Variants in HOPX observed in about 807,000 individuals in gnomAD.
The protein encoded by HOPX is homeodomain-only protein.
Under a neutral mutation model 11.8 loss-of-function variants are expected in HOPX, and 5 were observed. That is an observed-to-expected ratio of 0.43 (90% confidence interval 0.22 to 0.89). The LOEUF (loss-of-function observed/expected upper bound fraction) is 0.89. HOPX is among the 40% of genes least tolerant of loss of function. The probability of loss-of-function intolerance (pLI) is 0.28; values close to 1 mark genes in which losing one functional copy is unlikely to be tolerated. For missense variants in HOPX, 119 were observed against 120.0 expected (o/e 0.99, Z 0.04); for synonymous variants, 49 against 49.7 (o/e 0.99, Z 0.06).
intron 2 of HOPX, chr4:56,656,421 G>A (rs542058940): frequency 1.0e-6 from 1 of 990,912 alleles, no homozygotes; most frequent in East Asian, 1.1e-4. Flanking sequence ...TCCCGAAAGG[G>A]GGACCTCCCC....
chr4:56,677,694 C>T lies in HOPX; in HGVS notation c.-84+3561G>A, dbSNP rs1038687609. On this transcript the variant is annotated intron_variant, in intron 1 of 3. Transcript: ENST00000420433. Reference sequence around the variant, plus strand: ...TCCCACAGACACCTCTGAACTGACACCTGCACCCATACAGGTGCTGAGGGA... The same window carrying T: ...TCCCACAGACACCTCTGAACTGACATCTGCACCCATACAGGTGCTGAGGGA... Among the ~76,000 whole-genome samples the T allele has an allele frequency of 4.2e-4, 64 of 151,588 alleles. 2 individuals are homozygous for T. Among genetic ancestry groups the T allele is most frequent in the African/African-American group, 1.5e-3 (63 of 40,900 alleles).
At chr4:56,664,482 C>A (rs927113467) in intron 1 of HOPX, 4 of 152,006 alleles carry the variant, frequency 2.6e-5, no homozygotes, top group Non-Finnish European at 5.9e-5. Context: ...CGTAAAGTAT[C>A]CCCTGGATGG....
intron 1 of HOPX, among the ~76,000 whole-genome samples, chr4:56,658,966 C>T (rs1560367105): frequency 6.6e-6 from 1 of 152,144 alleles, no homozygotes; most frequent in Non-Finnish European, 1.5e-5. Context: ...TTGGGTCAAC[C>T]CAATGGTTCT....
intron 2 of HOPX, among the ~76,000 whole-genome samples, chr4:56,656,994 A>G (rs1434138259): frequency 6.6e-6 from 1 of 152,130 alleles, no homozygotes; most frequent in African/African-American, 2.4e-5. Flanking sequence ...AATTTACTAT[A>G]AAGTCAGGAA....
At chr4:56,653,710 C>A (rs1717422190) in intron 3 of HOPX, among the ~76,000 whole-genome samples, 1 of 152,120 alleles carries the variant, frequency 6.6e-6, no homozygotes, top group African/African-American at 2.4e-5. Context: ...AGGGGCCCTG[C>A]TAAGAGGCTG....
At chr4:56,667,693 G>A (rs1005430536) in intron 1 of HOPX, among the ~76,000 whole-genome samples, 1 of 152,098 alleles carries the variant, frequency 6.6e-6, no homozygotes, top group Non-Finnish European at 1.5e-5. Context: ...TTTTAAGAGT[G>A]AAAAACAGCC....
intron 1 of HOPX, chr4:56,664,088 A>G (rs922930492): frequency 2.6e-5 from 4 of 151,914 alleles, no homozygotes; most frequent in Non-Finnish European, 5.9e-5. Context: ...TTATGATGTT[A>G]TTATAGGGAA....
intron 1 of HOPX, among the ~76,000 whole-genome samples, chr4:56,658,556 C>G (rs1717922883): frequency 6.6e-6 from 1 of 152,238 alleles, no homozygotes; most frequent in Non-Finnish European, 1.5e-5. Context: ...CTGCAAAGCT[C>G]TCAGCCCTTT....
At chr4:56,660,920 C>A (rs1718080416) in intron 1 of HOPX, among the ~76,000 whole-genome samples, 1 of 152,148 alleles carries the variant, frequency 6.6e-6, no homozygotes, top group Non-Finnish European at 1.5e-5. Context: ...AAACACAATT[C>A]TGAATTTTGT....
intron 3 of HOPX, chr4:56,650,768 A>G (rs1464053625): frequency 6.4e-7 from 1 of 1,550,992 alleles, no homozygotes; most frequent in African/African-American, 1.4e-5. Context: ...TTTGGGGGCT[A>G]CTTTCTGGGT....
intron 1 of HOPX, chr4:56,659,682 A>C (rs1338043868): frequency 1.3e-5 from 2 of 152,220 alleles, no homozygotes; most frequent in African/African-American, 4.8e-5. Flanking sequence ...CACCTCTTGA[A>C]CCAGAACTGC....
intron 1 of HOPX, among the ~76,000 whole-genome samples, chr4:56,677,047 G>A (rs1002426578): frequency 6.6e-6 from 1 of 151,830 alleles, no homozygotes; most frequent in African/African-American, 2.4e-5. Context: ...CTCTGCTGGT[G>A]CCAGCCTTCT....
At chr4:56,664,636 C>T (rs1718336810) in intron 1 of HOPX, 2 of 152,106 alleles carry the variant, frequency 1.3e-5, no homozygotes, top group South Asian at 4.1e-4. Context: ...TAACATGTAT[C>T]CCTACATGGC....
chr4:56,659,920 T>C (rs1361304922), intron 1 of HOPX, among the ~76,000 whole-genome samples: 1 of 152,220 alleles, frequency 6.6e-6, no homozygotes, highest in Non-Finnish European at 1.5e-5. Flanking sequence ...CTATTAATCT[T>C]TTGTATATGT....
At chr4:56,662,187 A>C (rs1157060914) in intron 1 of HOPX, among the ~76,000 whole-genome samples, 1 of 152,234 alleles carries the variant, frequency 6.6e-6, no homozygotes. Context: ...TTAAAATAGG[A>C]TATCCATGTA....
intron 1 of HOPX, among the ~76,000 whole-genome samples, chr4:56,676,092 T>G (rs1719002727): frequency 6.6e-6 from 1 of 150,690 alleles, no homozygotes; most frequent in Non-Finnish European, 1.5e-5. Context: ...AGCTCAGGAG[T>G]TCAAGACCAG....
chr4:56,653,893 C>T (rs1339712885), intron 3 of HOPX, among the ~76,000 whole-genome samples: 1 of 152,194 alleles, frequency 6.6e-6, no homozygotes, highest in Admixed American at 6.5e-5. Context: ...TTTCTTCTTC[C>T]TACCCCTAAC....
chr4:56,674,488 T>G (rs1209478020), intron 1 of HOPX, among the ~76,000 whole-genome samples: 1 of 151,576 alleles, frequency 6.6e-6, no homozygotes, highest in African/African-American at 2.4e-5. Context: ...TTCCTCATGA[T>G]CCTAGATGGA....
At chr4:56,650,875 G>A (rs1717108918) in intron 3 of HOPX, 5 of 1,460,904 alleles carry the variant, frequency 3.4e-6, no homozygotes, top group Admixed American at 5.0e-5. Context: ...ACTGCTAAGG[G>A]TGGGCCCATT....
Sources: allele counts gnomAD v4.1 joint callset (sites outside exome capture counted in the v4.1 genomes callset), GRCh38; gene constraint gnomAD v4.1.1; transcripts MANE v1.5; gene names NCBI Gene and HGNC (gene_info 2026-07-23, HGNC 2026-07-21).